The following GRM8 variants were observed in gnomAD, a reference collection of about 807,000 sequenced individuals.
GRM8 encodes metabotropic glutamate receptor 8.
GRM8 carries 47 observed loss-of-function variants against 87.2 expected under a neutral mutation model. That is an observed-to-expected ratio of 0.54 (90% confidence interval 0.43 to 0.69). The LOEUF is 0.69. Among genes scored for constraint, GRM8 ranks in the 30% least tolerant of loss-of-function variants. The pLI is 0.00. For synonymous variants in GRM8, 396 were observed against 404.5 expected, an observed-to-expected ratio of 0.98 and a Z score of 0.25; for missense variants, 1,019 against 1,139.2, an observed-to-expected ratio of 0.89 and a Z score of 1.52.
intron 3 of GRM8, among the ~76,000 whole-genome samples, chr7:127,042,138 GGT>G (rs1226559832): frequency 3.3e-5 from 5 of 152,146 alleles, no homozygotes; most frequent in Admixed American, 3.3e-4. Context: ...AGGACCACCT[GGT>G]TCTGTTTTAA....
chr7:127,087,756 C>A (rs1035980489), intron 3 of GRM8, among the ~76,000 whole-genome samples: 1 of 152,112 alleles, frequency 6.6e-6, no homozygotes, highest in Non-Finnish European at 1.5e-5. Flanking sequence ...ATGTTTAAGA[C>A]TTTTTACCAT....
intron 7 of GRM8, among the ~76,000 whole-genome samples, chr7:126,682,033 T>C (rs1807652993): frequency 6.6e-6 from 1 of 152,186 alleles, no homozygotes; most frequent in South Asian, 2.1e-4. Flanking sequence ...AAAAGTCTCA[T>C]TCAAAGCCAG....
chr7:127,039,198 G>A (rs1488213392), intron 3 of GRM8, among the ~76,000 whole-genome samples: 1 of 152,158 alleles, frequency 6.6e-6, no homozygotes, highest in Non-Finnish European at 1.5e-5. Context: ...CTCAGAATGT[G>A]GCTGTATTTA....
rs368344634 is a variant in GRM8 at position 126,533,512 on chromosome 7, C to T, written c.1870G>A (p.Val624Met). The T allele has an allele frequency of 7.1e-5, 114 of 1,613,926 alleles. No individual in the cohort carries two copies. Among genetic ancestry groups the T allele is most frequent in the Middle Eastern group, 3.3e-4 (2 of 6,084 alleles). The change falls in exon 9 of 11, where the codon GTG (valine) becomes ATG (methionine). Residue 624 changes from valine to methionine, a missense_variant. By Grantham distance (21) the Val-to-Met change is conservative. Coordinates refer to ENST00000339582, the MANE Select transcript of GRM8 (RefSeq NM_000845.3). ...CAGAGAAAAATCCCCGTTAGGAGCA[C>T]GTAACTAAGTTCGCGTCCTGAAGCC... ...VRASGRELSY[V>M]LLTGIFLCYS...
chr7:126,634,028 A>G (rs531985342), intron 7 of GRM8, among the ~76,000 whole-genome samples: 1 of 152,208 alleles, frequency 6.6e-6, no homozygotes, highest in South Asian at 2.1e-4. Flanking sequence ...GTTATCTTTT[A>G]CAGAAGATAA....
rs546798433 is a variant in GRM8 at position 126,752,305 on chromosome 7, C to G, written c.1357+17560G>C. ...TGGTCAACAAAGCAAGACCAAGTCT[C>G]TAAAAAAAAATGACTATGAAAATTA... On this transcript the variant is annotated intron_variant, in intron 7 of 10. Transcript: ENST00000339582. Among the ~76,000 whole-genome samples, 5 of 151,402 alleles carry G rather than the reference C, an allele frequency of 3.3e-5. No individual in the cohort carries two copies. The South Asian group carries it at 8.6e-4, about 26-fold the overall frequency.
intron 7 of GRM8, among the ~76,000 whole-genome samples, chr7:126,718,639 T>C (rs1431225082): frequency 6.6e-6 from 1 of 152,218 alleles, no homozygotes; most frequent in African/African-American, 2.4e-5. Flanking sequence ...ACTTTCCATT[T>C]GACTTGCATC....
chr7:126,451,209 C>G (rs970283317), intron 9 of GRM8, among the ~76,000 whole-genome samples: 14 of 151,770 alleles, frequency 9.2e-5, no homozygotes, highest in African/African-American at 3.4e-4. Flanking sequence ...TGAAACTTAA[C>G]AAGCCTCTGA....
At chr7:126,772,459 C>A (rs940982410) in intron 6 of GRM8, among the ~76,000 whole-genome samples, 1 of 152,046 alleles carries the variant, frequency 6.6e-6, no homozygotes, top group East Asian at 1.9e-4. Context: ...CAGCACCACC[C>A]CAGACTTGCT....
chr7:127,006,829 G>A (rs771793526), intron 3 of GRM8, among the ~76,000 whole-genome samples: 44 of 151,826 alleles, frequency 2.9e-4, no homozygotes, highest in Admixed American at 1.4e-3. Context: ...TGATATATAC[G>A]CATCCCCTAT....
intron 3 of GRM8, among the ~76,000 whole-genome samples, chr7:126,964,444 A>G (rs1045344649): frequency 6.6e-6 from 1 of 152,184 alleles, no homozygotes; most frequent in African/African-American, 2.4e-5. Context: ...GAATCTACAA[A>G]GAACTTAAAC....
chr7:126,868,473 T>C (rs1181431942), intron 6 of GRM8, among the ~76,000 whole-genome samples: 6 of 152,154 alleles, frequency 3.9e-5, no homozygotes, highest in African/African-American at 1.4e-4. Flanking sequence ...ACCTTGATGT[T>C]GGAAGAGAGA....
chr7:126,848,288 G>A (rs1253350564), intron 6 of GRM8, among the ~76,000 whole-genome samples: 1 of 152,138 alleles, frequency 6.6e-6, no homozygotes, highest in Admixed American at 6.6e-5. Flanking sequence ...GAGCTGTACT[G>A]TTCATTAAGA....
chr7:126,522,895 G>C (rs1019260032), intron 9 of GRM8, among the ~76,000 whole-genome samples: 7 of 152,074 alleles, frequency 4.6e-5, no homozygotes, highest in Non-Finnish European at 8.8e-5. Context: ...CCCCTGACTT[G>C]ACCCTTAAAA....
At chr7:126,884,335 A>C (rs945353847) in intron 6 of GRM8, among the ~76,000 whole-genome samples, 1 of 152,168 alleles carries the variant, frequency 6.6e-6, no homozygotes, top group Non-Finnish European at 1.5e-5. Context: ...CAATTGCATA[A>C]ACCTTTGTCA....
At chr7:127,120,551 T>C (rs1827024003) in intron 2 of GRM8, among the ~76,000 whole-genome samples, 1 of 152,316 alleles carries the variant, frequency 6.6e-6, no homozygotes, top group East Asian at 1.9e-4. Context: ...TCCAGGTGAT[T>C]CGTGTTCACA....
At chr7:126,577,865 C>A (rs1011981758) in intron 8 of GRM8, among the ~76,000 whole-genome samples, 2 of 151,904 alleles carry the variant, frequency 1.3e-5, no homozygotes, top group Non-Finnish European at 2.9e-5. Context: ...TCTCATTTTG[C>A]AGCTGCCCCA....
intron 7 of GRM8, among the ~76,000 whole-genome samples, chr7:126,732,330 C>T (rs1031086010): frequency 6.6e-6 from 1 of 152,038 alleles, no homozygotes; most frequent in African/African-American, 2.4e-5. Context: ...CTTCTATATC[C>T]ATTCGGAGCA....
intron 8 of GRM8, among the ~76,000 whole-genome samples, chr7:126,581,269 G>A (rs1795582394): frequency 6.6e-6 from 1 of 152,124 alleles, no homozygotes; most frequent in African/African-American, 2.4e-5. Context: ...GGGAAGATAT[G>A]CCCAAAAGGG....
Sources: gnomAD v4.1 joint callset for allele counts (sites outside exome capture counted in the v4.1 genomes callset) on GRCh38, gnomAD v4.1.1 for gene constraint, MANE v1.5 for transcripts, NCBI Gene and HGNC (gene_info 2026-07-23, HGNC 2026-07-21) for gene names.